Variants in PDE4D observed in about 807,000 individuals in gnomAD.
PDE4D encodes the protein 3',5'-cyclic-AMP phosphodiesterase 4D.
In PDE4D, 24 loss-of-function variants were observed where a neutral mutation model predicts 87.4. The observed-to-expected ratio is 0.27, with a 90% CI of 0.20 to 0.39. The LOEUF (loss-of-function observed/expected upper bound fraction) is 0.39, where lower values mean the gene tolerates loss of function less well. Among genes scored for constraint, PDE4D ranks in the 10% least tolerant of loss-of-function variants. PDE4D has a pLI of 1.00. For missense variants in PDE4D, 714 were observed against 1,041.0 expected, an observed-to-expected ratio of 0.69 and a Z score of 4.32; for synonymous variants, 384 against 383.2, an observed-to-expected ratio of 1.00 and a Z score of -0.02.
At chr5:59,985,676 T>C (rs767395032) in intron 3 of PDE4D, among the ~76,000 whole-genome samples, 41 of 152,226 alleles carry the variant, frequency 2.7e-4, no homozygotes, top group Non-Finnish European at 5.0e-4. Context: ...TTCTTCATAA[T>C]ATTGGATAAA....
chr5:59,855,054 T>C (rs1745229312), intron 1 of PDE4D, among the ~76,000 whole-genome samples: 1 of 152,122 alleles, frequency 6.6e-6, no homozygotes, highest in Non-Finnish European at 1.5e-5. Flanking sequence ...TATGAGTTCC[T>C]GGTAATGTTG....
chr5:60,044,993 T>C (rs1769032372), intron 2 of PDE4D, among the ~76,000 whole-genome samples: 1 of 152,192 alleles, frequency 6.6e-6, no homozygotes, highest in Non-Finnish European at 1.5e-5. Flanking sequence ...AGTGTGAAAG[T>C]GTTCCTATTT....
intron 5 of PDE4D, among the ~76,000 whole-genome samples, chr5:59,155,516 A>G (rs529076092): frequency 8.5e-4 from 130 of 152,352 alleles, no homozygotes; most frequent in Middle Eastern, 3.4e-3. Flanking sequence ...CAGACTGAAT[A>G]GGGATGAGGA....
intron 1 of PDE4D, among the ~76,000 whole-genome samples, chr5:59,562,892 T>C (rs1561213218): frequency 6.6e-6 from 1 of 151,948 alleles, no homozygotes; most frequent in Non-Finnish European, 1.5e-5. Flanking sequence ...CAACAGGGCA[T>C]GTTATTGTGA....
intron 5 of PDE4D, among the ~76,000 whole-genome samples, chr5:59,156,316 A>T (rs949811128): frequency 1.8e-4 from 4 of 22,632 alleles, no homozygotes; most frequent in African/African-American, 9.6e-4. Context: ...CCAGAAAAAA[A>T]AAAAATATAT....
At chr5:59,988,431 A>C (rs926558187) in intron 3 of PDE4D, 34 of 1,162,858 alleles carry the variant, frequency 2.9e-5, no homozygotes, top group Non-Finnish European at 4.1e-5. Context: ...AAAAGACCAC[A>C]GACAACAATC....
At chr5:59,689,593 G>T (rs1750547456) in intron 1 of PDE4D, among the ~76,000 whole-genome samples, 1 of 152,124 alleles carries the variant, frequency 6.6e-6, no homozygotes, top group Non-Finnish European at 1.5e-5. Flanking sequence ...AGCTATTTAT[G>T]ACAAACCCAC....
chr5:59,160,278 TA>T (rs1329270612), intron 5 of PDE4D, among the ~76,000 whole-genome samples: 2 of 152,198 alleles, frequency 1.3e-5, no homozygotes, highest in Non-Finnish European at 2.9e-5. Context: ...AGAAGCATTT[TA>T]CACCTACTCA....
intron 1 of PDE4D, among the ~76,000 whole-genome samples, chr5:59,783,979 GCC>G (rs1764886195): frequency 6.6e-6 from 1 of 152,136 alleles, no homozygotes; most frequent in African/African-American, 2.4e-5. Context: ...GATGGTTTCA[GCC>G]TGGAAGGTCA....
At chr5:59,785,909 G>C (rs1330967878) in intron 1 of PDE4D, among the ~76,000 whole-genome samples, 1 of 151,934 alleles carries the variant, frequency 6.6e-6, no homozygotes, top group African/African-American at 2.4e-5. Flanking sequence ...GGTTTCATAT[G>C]GTTGGTCAGG....
intron 1 of PDE4D, among the ~76,000 whole-genome samples, chr5:59,472,302 C>T (rs149818769): frequency 3.5e-3 from 536 of 152,164 alleles, no homozygotes; most frequent in Middle Eastern, 0.01. Flanking sequence ...ACTTGCATAG[C>T]GCTCTTTATA....
intron 1 of PDE4D, among the ~76,000 whole-genome samples, chr5:59,230,481 G>T (rs1028517148): frequency 4.6e-5 from 7 of 152,144 alleles, no homozygotes; most frequent in African/African-American, 1.4e-4. Flanking sequence ...ATCTCCAAAA[G>T]ATTTTATTGA....
intron 1 of PDE4D, among the ~76,000 whole-genome samples, chr5:59,727,988 T>C (rs1756847990): frequency 6.6e-6 from 1 of 152,138 alleles, no homozygotes; most frequent in Non-Finnish European, 1.5e-5. Flanking sequence ...GCATCTTGTC[T>C]TCTTTTTACT....
intron 6 of PDE4D, among the ~76,000 whole-genome samples, chr5:58,996,117 A>T (rs756435433): frequency 1.4e-4 from 22 of 152,188 alleles, no homozygotes; most frequent in Admixed American, 4.6e-4. Flanking sequence ...GGAGGGGAAC[A>T]TCACACACCA....
intron 1 of PDE4D, among the ~76,000 whole-genome samples, chr5:59,477,371 A>ATAT (rs201447813): frequency 8.8e-6 from 1 of 113,686 alleles, no homozygotes; most frequent in Non-Finnish European, 2.0e-5. Flanking sequence ...AAAAAAAAAA[A>ATAT]AAATTAAAGA....
intron 1 of PDE4D, among the ~76,000 whole-genome samples, chr5:60,250,356 G>A (rs1428340941): frequency 6.6e-6 from 1 of 151,858 alleles, no homozygotes; most frequent in Non-Finnish European, 1.5e-5. Context: ...CAGCTAGGAG[G>A]TGTCTCTAAG....
chr5:59,654,403 T>C (rs1028489341), intron 1 of PDE4D, among the ~76,000 whole-genome samples: 1 of 152,190 alleles, frequency 6.6e-6, no homozygotes, highest in African/African-American at 2.4e-5. Context: ...GACAAAAGCA[T>C]CAGTTTACTG....
chr5:60,454,049 G>A (rs1746284615), intron 1 of PDE4D, among the ~76,000 whole-genome samples: 3 of 152,156 alleles, frequency 2.0e-5, no homozygotes, highest in Non-Finnish European at 4.4e-5. Context: ...TGTGGGCTTG[G>A]ACAAGTGATA....
chr5:59,207,408 C>A (rs1438391977), intron 2 of PDE4D, among the ~76,000 whole-genome samples: 1 of 151,900 alleles, frequency 6.6e-6, no homozygotes, highest in African/African-American at 2.4e-5. Flanking sequence ...CAGGAAGAAT[C>A]AGTAATTTTC....
Sources: gnomAD v4.1 joint callset for allele counts (sites outside exome capture counted in the v4.1 genomes callset) on GRCh38, gnomAD v4.1.1 for gene constraint, MANE v1.5 for transcripts, NCBI Gene and HGNC (gene_info 2026-07-23, HGNC 2026-07-21) for gene names.